Variants in KIAA1217 observed in about 807,000 individuals in gnomAD.
KIAA1217 encodes the protein KIAA1217.
A neutral mutation model predicts 163.9 loss-of-function variants in KIAA1217; 88 were observed. The ratio of observed to expected loss-of-function variants is 0.54; its 90% CI spans 0.45 to 0.64. The LOEUF (loss-of-function observed/expected upper bound fraction) is 0.64, where lower values mean the gene tolerates loss of function less well. Among genes scored for constraint, KIAA1217 ranks in the 30% least tolerant of loss-of-function variants. The pLI is 0.00. For synonymous variants in KIAA1217, 903 were observed against 923.1 expected (o/e 0.98, Z 0.39); for missense variants, 2,372 against 2,475.0 (o/e 0.96, Z 0.88).
chr10:24,472,601 A>C (rs1452925450), intron 5 of KIAA1217, among the ~76,000 whole-genome samples: 1 of 152,238 alleles, frequency 6.6e-6, no homozygotes, highest in African/African-American at 2.4e-5. Context: ...TGACATTAAA[A>C]TTTAAGCCAC....
At chr10:24,389,556 A>G (rs1489911194) in intron 3 of KIAA1217, among the ~76,000 whole-genome samples, 1 of 152,002 alleles carries the variant, frequency 6.6e-6, no homozygotes, top group Non-Finnish European at 1.5e-5. Flanking sequence ...ATAATAAAAA[A>G]AAAAAAGAAA....
At chr10:24,273,541 CA>C (rs1442032706) in intron 2 of KIAA1217, among the ~76,000 whole-genome samples, 1 of 152,084 alleles carries the variant, frequency 6.6e-6, no homozygotes, top group Non-Finnish European at 1.5e-5. Context: ...TGGCCCACGT[CA>C]CATCTTTAAT....
chr10:24,470,799 A>G (rs538858252), intron 5 of KIAA1217, among the ~76,000 whole-genome samples: 8 of 152,218 alleles, frequency 5.3e-5, no homozygotes, highest in African/African-American at 1.9e-4. Context: ...TGCACTTCTC[A>G]TTGGTCACTT....
At chr10:24,268,164 T>G (rs935609293) in intron 2 of KIAA1217, among the ~76,000 whole-genome samples, 1 of 152,196 alleles carries the variant, frequency 6.6e-6, no homozygotes, top group Non-Finnish European at 1.5e-5. Flanking sequence ...TCTAGTTCAT[T>G]TGGCTAGAAA....
chr10:24,526,898 T>A (rs9971284), intron 13 of KIAA1217, among the ~76,000 whole-genome samples: 52,844 of 151,740 alleles, frequency 0.35, 9,560 homozygotes, highest in Middle Eastern at 0.46. Flanking sequence ...GTAATGAAAC[T>A]TGGGCAAATT....
chr10:24,120,915 G>C (rs1158025304), intron 2 of KIAA1217, among the ~76,000 whole-genome samples: 1 of 152,146 alleles, frequency 6.6e-6, no homozygotes, highest in African/African-American at 2.4e-5. Context: ...AGCAAGTATT[G>C]ACTGACATCC....
At chr10:23,956,401 A>G (rs1260812030) in intron 1 of KIAA1217, among the ~76,000 whole-genome samples, 1 of 152,150 alleles carries the variant, frequency 6.6e-6, no homozygotes, top group African/African-American at 2.4e-5. Flanking sequence ...ACATTAGAGT[A>G]GTTTCATTCA....
At chr10:24,407,928 A>G (rs2057389554) in intron 3 of KIAA1217, among the ~76,000 whole-genome samples, 1 of 152,346 alleles carries the variant, frequency 6.6e-6, no homozygotes, top group Non-Finnish European at 1.5e-5. Context: ...TAAGTTTTAC[A>G]TGAATGGCCA....
intron 5 of KIAA1217, among the ~76,000 whole-genome samples, chr10:24,458,327 C>T (rs2062015694): frequency 1.3e-5 from 2 of 152,160 alleles, no homozygotes; most frequent in South Asian, 4.2e-4. Context: ...TTGTGGGGCT[C>T]GTGAGTACCC....
intron 2 of KIAA1217, among the ~76,000 whole-genome samples, chr10:24,191,976 C>A (rs564768175): frequency 2.6e-5 from 4 of 152,288 alleles, no homozygotes; most frequent in African/African-American, 9.6e-5. Flanking sequence ...AACCCCTGAC[C>A]TCAAGTGATC....
At chr10:23,744,354 C>G (rs1440687132) in intron 1 of KIAA1217, among the ~76,000 whole-genome samples, 1 of 152,110 alleles carries the variant, frequency 6.6e-6, no homozygotes, top group Non-Finnish European at 1.5e-5. Context: ...ATTTTTGCTT[C>G]TAGAAAGATG....
chr10:24,476,190 C>T (rs2064016975), intron 6 of KIAA1217, among the ~76,000 whole-genome samples: 1 of 152,208 alleles, frequency 6.6e-6, no homozygotes, highest in Non-Finnish European at 1.5e-5. Flanking sequence ...ATGGTGTCTG[C>T]CTTCTTTCCA....
intron 16 of KIAA1217, among the ~76,000 whole-genome samples, chr10:24,534,948 T>C (rs556546937): frequency 1.3e-5 from 2 of 151,210 alleles, no homozygotes; most frequent in East Asian, 3.9e-4. Flanking sequence ...CCAAACCCTG[T>C]TAGCCCTCTG....
chr10:24,463,954 G>A (rs1464449911), intron 5 of KIAA1217, among the ~76,000 whole-genome samples: 9 of 152,220 alleles, frequency 5.9e-5, no homozygotes, highest in Non-Finnish European at 5.9e-5. Context: ...ATCTGGTGAT[G>A]TAATCAAACC....
intron 2 of KIAA1217, among the ~76,000 whole-genome samples, chr10:24,019,222 G>A (rs561646254): frequency 6.6e-6 from 1 of 152,026 alleles, no homozygotes; most frequent in South Asian, 2.1e-4. Flanking sequence ...AAAATGATAA[G>A]TAGGTGAGCT....
chr10:24,000,628 G>T (rs1846696493), intron 1 of KIAA1217, among the ~76,000 whole-genome samples: 1 of 152,190 alleles, frequency 6.6e-6, no homozygotes, highest in Admixed American at 6.5e-5. Context: ...TCATTTCTGT[G>T]CCATGCAGTA....
intron 2 of KIAA1217, among the ~76,000 whole-genome samples, chr10:24,164,686 TA>T (rs2065265201): frequency 6.6e-6 from 1 of 152,194 alleles, no homozygotes; most frequent in South Asian, 2.1e-4. Context: ...AATGGGCAAG[TA>T]GGGGTGAAAT....
intron 2 of KIAA1217, among the ~76,000 whole-genome samples, chr10:24,168,913 G>T (rs775156261): frequency 6.6e-6 from 1 of 152,214 alleles, no homozygotes; most frequent in East Asian, 1.9e-4. Context: ...GGCTCTGAAG[G>T]TGTGCTTAAG....
chr10:24,363,829 C>T (rs2134296013), intron 2 of KIAA1217, among the ~76,000 whole-genome samples: 1 of 152,272 alleles, frequency 6.6e-6, no homozygotes, highest in Admixed American at 6.5e-5. Flanking sequence ...ACCTTAGCCT[C>T]CCAAAATGCT....
Sources: allele counts gnomAD v4.1 joint callset (sites outside exome capture counted in the v4.1 genomes callset), GRCh38; gene constraint gnomAD v4.1.1; transcripts MANE v1.5; gene names NCBI Gene and HGNC (gene_info 2026-07-23, HGNC 2026-07-21).